Variants in KCNN3 observed in about 807,000 individuals in gnomAD.
The protein encoded by KCNN3 is small conductance calcium-activated potassium channel protein 3.
KCNN3 carries 16 observed loss-of-function variants against 62.9 expected under a neutral mutation model. That is an observed-to-expected ratio of 0.25 (90% CI 0.17 to 0.39). The LOEUF is 0.39. Among genes scored for constraint, KCNN3 ranks in the 10% least tolerant of loss-of-function variants. The pLI is 1.00. For synonymous variants in KCNN3, 370 were observed against 389.2 expected (o/e 0.95, Z 0.58); for missense variants, 599 against 949.4 (o/e 0.63, Z 4.85).
chr1:154,828,262 A>G (rs1445250152), intron 1 of KCNN3, among the ~76,000 whole-genome samples: 3 of 152,150 alleles, frequency 2.0e-5, no homozygotes, highest in Non-Finnish European at 4.4e-5. Flanking sequence ...CCTTCTCCGA[A>G]GTTCAGTTAA....
At chr1:154,720,561 T>G (rs951566204) in intron 5 of KCNN3, among the ~76,000 whole-genome samples, 1 of 147,048 alleles carries the variant, frequency 6.8e-6, no homozygotes, top group African/African-American at 2.5e-5. Flanking sequence ...AATCTTTGAA[T>G]TAGCCTGCTG....
At chr1:154,709,756 T>C (rs1323234753) in intron 7 of KCNN3, among the ~76,000 whole-genome samples, 1 of 152,216 alleles carries the variant, frequency 6.6e-6, no homozygotes, top group African/African-American at 2.4e-5. Context: ...AAGTACTCCC[T>C]TTATTAATCA....
Position 154,838,557 on chromosome 1 carries a change from C to T in KCNN3, c.934-16373G>A, listed in dbSNP as rs111930604. Among the ~76,000 whole-genome samples, 810 of 152,204 alleles carry T rather than the reference C, an allele frequency of 5.3e-3. 7 individuals carry two copies. The highest frequency in any genetic ancestry group is 0.018 in the African/African-American group (766 of 41,506). ...TCAAAATGCACTAAGCTTTCGTTTCCCTCAACCTTTCCATGTGCTTGCTGG... is the reference window on the plus strand; with the variant it reads ...TCAAAATGCACTAAGCTTTCGTTTCTCTCAACCTTTCCATGTGCTTGCTGG... On this transcript the variant is annotated intron_variant, in intron 1 of 7. Coordinates refer to ENST00000271915, the MANE Select transcript of KCNN3 (RefSeq NM_002249.6).
At chr1:154,776,758 C>T (rs1648806851) in intron 2 of KCNN3, among the ~76,000 whole-genome samples, 1 of 152,212 alleles carries the variant, frequency 6.6e-6, no homozygotes, top group Non-Finnish European at 1.5e-5. Flanking sequence ...TCCCCTTAGA[C>T]ATGGTTCTCA....
chr1:154,714,414 GTGT>G (rs1700173539), intron 6 of KCNN3, among the ~76,000 whole-genome samples: 1 of 145,372 alleles, frequency 6.9e-6, no homozygotes, highest in African/African-American at 2.6e-5. Flanking sequence ...TTTGTGTGTG[GTGT>G]GTGGGATGTG....
At chr1:154,784,987 T>C (rs1223099155) in intron 2 of KCNN3, among the ~76,000 whole-genome samples, 1 of 152,240 alleles carries the variant, frequency 6.6e-6, no homozygotes, top group African/African-American at 2.4e-5. Flanking sequence ...GAAGGCTTGT[T>C]GGGCTGAGCC....
At chr1:154,868,366 C>G in intron 1 of KCNN3, 2 of 988,028 alleles carry the variant, frequency 2.0e-6, no homozygotes, top group Non-Finnish European at 2.4e-6. Flanking sequence ...ATATTTTTAC[C>G]CCATGCCCTC....
chr1:154,803,766 C>T (rs1305232777), intron 2 of KCNN3, among the ~76,000 whole-genome samples: 2 of 152,222 alleles, frequency 1.3e-5, no homozygotes, highest in African/African-American at 4.8e-5. Flanking sequence ...GGCCAGCAAG[C>T]TGTTAATCTG....
chr1:154,747,872 C>A (rs759898173), intron 3 of KCNN3, among the ~76,000 whole-genome samples: 5 of 152,214 alleles, frequency 3.3e-5, no homozygotes, highest in Non-Finnish European at 5.9e-5. Flanking sequence ...CATGCTCCCC[C>A]ACCTCCGAGC....
chr1:154,796,034 G>A (rs1190748726), intron 2 of KCNN3, among the ~76,000 whole-genome samples: 1 of 152,220 alleles, frequency 6.6e-6, no homozygotes, highest in African/African-American at 2.4e-5. Context: ...CCTCACAGCT[G>A]TGACGATGAG....
chr1:154,857,482 G>C (rs1265266820), intron 1 of KCNN3, among the ~76,000 whole-genome samples: 2 of 151,954 alleles, frequency 1.3e-5, no homozygotes, highest in African/African-American at 4.8e-5. Context: ...CTGAGGCTCT[G>C]GGGGAGGCTG....
At chr1:154,717,216 T>C (rs758933073) in intron 5 of KCNN3, among the ~76,000 whole-genome samples, 9 of 152,176 alleles carry the variant, frequency 5.9e-5, no homozygotes, top group Non-Finnish European at 1.2e-4. Context: ...GGTGCTAACA[T>C]TATCCACATT....
Position 154,726,120 on chromosome 1 carries a change from T to C in KCNN3, c.1591-94A>G, listed in dbSNP as rs528964663. ...ACACGCCTGGCGGCCACGGGGGTAA[T>C]TTCCTGGGAGTGGAGTGGGAACTTG... On this transcript the variant is annotated intron_variant, in intron 4 of 7. Coordinates refer to ENST00000271915, the MANE Select transcript of KCNN3 (RefSeq NM_002249.6). 223 of 895,960 alleles carry C rather than the reference T, an allele frequency of 2.5e-4. 4 individuals carry two copies. The South Asian group carries it at 3.1e-3, about 12-fold the overall frequency. 55.5% of individuals were successfully genotyped at this position (895,960 alleles called of 1,614,324 possible).
intron 5 of KCNN3, among the ~76,000 whole-genome samples, chr1:154,719,682 A>C (rs1211286138): frequency 6.6e-6 from 1 of 152,152 alleles, no homozygotes; most frequent in Non-Finnish European, 1.5e-5. Flanking sequence ...TGTCCATTAC[A>C]CACAGGACTA....
At chr1:154,765,572 G>T (rs1648218137) in intron 3 of KCNN3, among the ~76,000 whole-genome samples, 1 of 151,366 alleles carries the variant, frequency 6.6e-6, no homozygotes, top group Admixed American at 6.6e-5. Flanking sequence ...CTATCATAAG[G>T]ATCATATATA....
At chr1:154,766,310 A>T (rs1648269534) in intron 3 of KCNN3, among the ~76,000 whole-genome samples, 3 of 150,604 alleles carry the variant, frequency 2.0e-5, no homozygotes, top group Admixed American at 2.0e-4. Context: ...ATGGGCTCCT[A>T]CCAATTAAAA....
At position 154,740,283 on chromosome 1, in the gene KCNN3, A is replaced by G. The variant is rs541355672; in HGVS notation, c.1449-7139T>C. On this transcript the variant is annotated intron_variant, in intron 3 of 7. Transcript: ENST00000271915. The stretch of plus-strand genomic sequence containing the variant: ...TACAAACATTATTTTTTATTGACTT[A>G]TTGTTATTGTATTTTTAGAGACAGG... Among the ~76,000 whole-genome samples the G allele has an allele frequency of 3.9e-5, 6 of 152,066 alleles. No individual in the cohort carries two copies. The South Asian group carries it at 1.2e-3, about 32-fold the overall frequency.
intron 1 of KCNN3, among the ~76,000 whole-genome samples, chr1:154,860,736 C>T (rs1652737459): frequency 6.6e-6 from 1 of 152,172 alleles, no homozygotes; most frequent in African/African-American, 2.4e-5. Context: ...GTGACATGGG[C>T]GCATATGCCC....
intron 1 of KCNN3, among the ~76,000 whole-genome samples, chr1:154,836,845 T>C (rs890303529): frequency 2.6e-5 from 4 of 152,246 alleles, no homozygotes; most frequent in Non-Finnish European, 5.9e-5. Context: ...CGGGGTCCTT[T>C]CTGTCTCTCT....
Sources: gnomAD v4.1 joint callset for allele counts (sites outside exome capture counted in the v4.1 genomes callset) on GRCh38, gnomAD v4.1.1 for gene constraint, MANE v1.5 for transcripts, NCBI Gene and HGNC (gene_info 2026-07-23, HGNC 2026-07-21) for gene names.